The following NEB variants were observed in gnomAD, a reference collection of about 807,000 sequenced individuals.
The protein encoded by NEB is nebulin.
NEB carries 512 observed loss-of-function variants against 952.2 expected under a neutral mutation model. That is an observed-to-expected ratio of 0.54 (90% CI 0.50 to 0.58). NEB has a LOEUF of 0.58. NEB is among the 20% of genes least tolerant of loss of function. The pLI is 0.00. For missense variants in NEB, 8,428 were observed against 9,231.1 expected (o/e 0.91, Z 3.56); for synonymous variants, 2,900 against 3,149.8 (o/e 0.92, Z 2.66).
At chr2:151,662,813 C>A (rs1189205440) in intron 45 of NEB, among the ~76,000 whole-genome samples, 1 of 152,164 alleles carries the variant, frequency 6.6e-6, no homozygotes, top group African/African-American at 2.4e-5. Flanking sequence ...ATGCCAGAAA[C>A]CTTCCTGGTA....
At chr2:151,725,348 G>C (rs764476452) in intron 6 of NEB, 105 bp downstream of exon 6, 38 of 866,390 alleles carry the variant, frequency 4.4e-5, no homozygotes, top group Non-Finnish European at 6.7e-5. Flanking sequence ...CTAGCTCATA[G>C]TAATTCAACT....
At chr2:151,672,049 G>T (rs1258597265) in intron 37 of NEB, among the ~76,000 whole-genome samples, 6 of 151,338 alleles carry the variant, frequency 4.0e-5, no homozygotes, top group African/African-American at 1.5e-4. Context: ...TTTGCATTTT[G>T]TATCTATCAC....
rs754394858 is a variant in NEB, at chr2:151,644,121, G to C, written c.7653C>G (p.Tyr2551Ter). 1 of 1,613,034 alleles carries C rather than the reference G, an allele frequency of 6.2e-7. No homozygotes were observed. Among genetic ancestry groups the C allele is most frequent in the East Asian group, 2.2e-5 (1 of 44,876 alleles). The change falls in exon 57 of 182, where the codon TAC becomes TAG. Residue 2551 changes from tyrosine (Y) to a stop codon, truncating the protein, a stop_gained. Transcript: ENST00000397345. LOFTEE classifies it high-confidence loss of function. ...ASREIASEYK[Y>*]KEGFRKQLGH... ...CGAGCTGCTTGCGAAAGCCTTCCTT[G>C]TACTTGTACTAGAGAAAAAAAATGT...
At chr2:151,538,064 G>A (rs1329980727) in intron 139 of NEB, 76 bp downstream of exon 139, 3 of 1,505,970 alleles carry the variant, frequency 2.0e-6, no homozygotes, top group Admixed American at 1.7e-5. Flanking sequence ...AGAAGAGGGA[G>A]GTTGCTAAAA....
At chr2:151,724,170 T>C in intron 8 of NEB, 90 bp downstream of exon 8, 2 of 998,570 alleles carry the variant, frequency 2.0e-6, no homozygotes, top group Non-Finnish European at 3.1e-6. Flanking sequence ...GGAATTGTAT[T>C]CCAGATGATC....
rs368883773 is a variant in NEB at position 151,549,645 on chromosome 2, C to G, written c.20040G>C (p.Met6680Ile). 1.9e-6 allele frequency: 3 copies of G among 1,592,892 alleles called. No individual in the cohort carries two copies. Among genetic ancestry groups the G allele is most frequent in the Non-Finnish European group, 1.7e-6 (2 of 1,167,918 alleles). ...GGAGGAGACCACTCACATAACTGCT[C>G]ATGTAACGGGTGTCCTTGATGTGTT... is the stretch of plus-strand genomic sequence containing the variant. Reference protein sequence around the residue: ...HFKHIKDTRYMSSYFKYKEAY... With the variant: ...HFKHIKDTRYISSYFKYKEAY... Residue 6680 changes from methionine (M) to isoleucine (I), a missense_variant, in exon 130 of 182, where the codon ATG becomes ATC. Physicochemically the swap from Met to Ile is conservative, Grantham distance 10 (BLOSUM62 1). Coordinates refer to ENST00000397345, the MANE Select transcript of NEB (RefSeq NM_001164508.2).
At chr2:151,680,624 G>A in intron 30 of NEB, 106 bp downstream of exon 30, 1 of 761,742 alleles carries the variant, frequency 1.3e-6, no homozygotes, top group Admixed American at 2.5e-5. Flanking sequence ...TGTGTAATTG[G>A]GTCTCTTCAT....
chr2:151,513,605 C>G lies in NEB; in HGVS notation c.23216G>C (p.Arg7739Thr), dbSNP rs748823676. The change falls in exon 160 of 182, where the codon AGG (arginine) becomes ACG (threonine). Residue 7739 changes from arginine to threonine, a missense_variant. Coordinates refer to ENST00000397345, the MANE Select transcript of NEB (RefSeq NM_001164508.2). ...CTGACTGGCAATATCAGTAGCATTC[C>G]TGGCCCTCATAAAATCCGGAGTTTC... ...ANETPDFMRA[R>T]NATDIASQIK... 5.0e-6 allele frequency: 8 copies of G among 1,609,118 alleles called. No homozygotes were observed. In the South Asian group the frequency reaches 9.0e-5, roughly 18 times the overall value.
At chr2:151,538,313 T>G (rs1047228040) in intron 138 of NEB, 69 bp from the exon 139 acceptor site, 3 of 1,133,588 alleles carry the variant, frequency 2.6e-6, no homozygotes, top group Non-Finnish European at 2.7e-6. Context: ...CTTTTAAGCA[T>G]GAACTCTCTT....
intron 165 of NEB, among the ~76,000 whole-genome samples, chr2:151,505,245 G>T (rs988385252): frequency 3.3e-5 from 5 of 152,160 alleles, no homozygotes; most frequent in African/African-American, 1.2e-4. Flanking sequence ...TGAGCTTCAA[G>T]TCAGTGACAG....
chr2:151,715,586 C>T (rs181751377), intron 10 of NEB, among the ~76,000 whole-genome samples: 3 of 152,342 alleles, frequency 2.0e-5, no homozygotes, highest in Non-Finnish European at 4.4e-5. Context: ...TCAGAGCTGG[C>T]TCTCTGTCTC....
rs1260654268 is a variant in NEB at position 151,540,861 on chromosome 2, G to A, written c.20683-60C>T. The A allele has an allele frequency of 6.6e-6, 9 of 1,359,644 alleles. No individual in the cohort carries two copies. In the African/African-American group the frequency reaches 1.3e-4, roughly 19 times the overall value. 84.2% of individuals were successfully genotyped at this position (1,359,644 alleles called of 1,614,324 possible). On this transcript the variant is annotated intron_variant, in intron 136 of 181. Coordinates refer to ENST00000397345, the MANE Select transcript of NEB (RefSeq NM_001164508.2). ...TAAAGCATTTAGTATTTAGCATTCA[G>A]TCCACTTCATTCATTTCTAACCATT...
rs58263509 is a variant in NEB, at chr2:151,568,651, C to T, written c.17601G>A (p.Val5867=). 318 of 1,609,970 alleles carry T rather than the reference C, an allele frequency of 2.0e-4. No individual in the cohort carries two copies. In the African/African-American group the frequency reaches 3.9e-3, roughly 20 times the overall value. Residue 5867 remains valine (V), a synonymous_variant, in exon 111 of 182, where the codon GTG becomes GTA. Coordinates refer to ENST00000397345, the MANE Select transcript of NEB (RefSeq NM_001164508.2). ...FTPVDDRVDY[V]TAKQSGEILD... ...GGATCTCGCCACTTTGTTTCGCTGT[C>T]ACATAATCAACTCTGTCATCCACAG...
intron 54 of NEB, among the ~76,000 whole-genome samples, chr2:151,648,545 T>C (rs538863332): frequency 6.6e-6 from 1 of 152,316 alleles, no homozygotes; most frequent in East Asian, 1.9e-4. Flanking sequence ...GCAACACACA[T>C]TGTACCCACC....
chr2:151,557,280 A>C (rs1231536158), intron 124 of NEB, among the ~76,000 whole-genome samples: 1 of 152,212 alleles, frequency 6.6e-6, no homozygotes, highest in African/African-American at 2.4e-5. Context: ...GAAATGGATA[A>C]ATTCCTGGAC....
Position 151,650,399 on chromosome 2 carries a change from G to A in NEB, c.7228-20C>T, listed in dbSNP as rs185977475. 139 of 1,608,074 alleles carry A rather than the reference G, an allele frequency of 8.6e-5. No homozygotes were observed. Among genetic ancestry groups the A allele is most frequent in the African/African-American group, 6.5e-4 (49 of 74,890 alleles). Reference sequence around the variant, plus strand: ...TAGATTCTGTGAAAAGACAGAGCAAGCCATCAAAATCCCATTCTCACCTGG... The same window carrying A: ...TAGATTCTGTGAAAAGACAGAGCAAACCATCAAAATCCCATTCTCACCTGG... On this transcript the variant is annotated intron_variant, in intron 53 of 181. Transcript: ENST00000397345.
At position 151,505,577 on chromosome 2, in the gene NEB, A is replaced by G. The variant is rs771206029; in HGVS notation, c.23650-7T>C. 3.7e-6 allele frequency: 6 copies of G among 1,607,264 alleles called. No homozygotes were observed. Among genetic ancestry groups the G allele is most frequent in the Non-Finnish European group, 4.3e-6 (5 of 1,173,910 alleles). ...TTGCTTCCTTATACTTCACCTGCAGATTTAAAAATGGGAAAAGAAAGGTAT... is the reference window on the plus strand; with the variant it reads ...TTGCTTCCTTATACTTCACCTGCAGGTTTAAAAATGGGAAAAGAAAGGTAT... On this transcript the variant is annotated splice_polypyrimidine_tract_variant and splice_region_variant and intron_variant, in intron 164 of 181. Coordinates refer to ENST00000397345, the MANE Select transcript of NEB (RefSeq NM_001164508.2).
intron 10 of NEB, 94 bp from the exon 11 acceptor site, chr2:151,710,632 T>C: frequency 2.6e-6 from 2 of 764,840 alleles, no homozygotes; most frequent in East Asian, 5.5e-5. Context: ...TTTAAAAATA[T>C]CTTCAGCAAG....
Position 151,633,791 on chromosome 2 carries a change from G to A in NEB, c.9277C>T (p.Leu3093=). The part of the protein sequence containing the change: ...KTKFSSPVDM[L]GVVLAKKCQT... ...CACTTCTTGGCCAGCACCACCCCCA[G>A]CATGTCCACTGGGCTGCTGAACTTG... The change falls in exon 65 of 182, where the codon CTG becomes TTG. Residue 3093 remains leucine (L), a synonymous_variant. Transcript: ENST00000397345. The A allele has an allele frequency of 6.2e-7, 1 of 1,613,872 alleles. No homozygotes were observed. Among genetic ancestry groups the A allele is most frequent in the East Asian group, 2.2e-5 (1 of 44,868 alleles).
Sources: allele counts gnomAD v4.1 joint callset (sites outside exome capture counted in the v4.1 genomes callset), GRCh38; gene constraint gnomAD v4.1.1; transcripts MANE v1.5; gene names NCBI Gene and HGNC (gene_info 2026-07-23, HGNC 2026-07-21).